Variants in PTPRQ observed in about 807,000 individuals in gnomAD.
PTPRQ encodes phosphatidylinositol phosphatase PTPRQ.
Under a neutral mutation model 246.0 loss-of-function variants are expected in PTPRQ, and 199 were observed. That is an observed-to-expected ratio of 0.81 (90% CI 0.72 to 0.91). The LOEUF is 0.91. Ranked by LOEUF, PTPRQ falls within the 40% of genes least tolerant of loss-of-function variation. The pLI is 0.00. For missense variants in PTPRQ, 2,624 were observed against 2,528.4 expected, an observed-to-expected ratio of 1.04 and a Z score of -0.81; for synonymous variants, 869 against 853.2, an observed-to-expected ratio of 1.02 and a Z score of -0.32.
intron 35 of PTPRQ, among the ~76,000 whole-genome samples, chr12:80,636,824 A>G (rs768092091): frequency 6.6e-6 from 1 of 152,212 alleles, no homozygotes; most frequent in Non-Finnish European, 1.5e-5. Flanking sequence ...ATGTTTTTAA[A>G]CAGTCAATAT....
At chr12:80,584,240 A>T (rs930962311) in intron 25 of PTPRQ, 1 of 152,162 alleles carries the variant, frequency 6.6e-6, no homozygotes, top group African/African-American at 2.4e-5. Context: ...ATCTTGAGGG[A>T]TATCTGCAGA....
At chr12:80,468,137 ATAGAG>A (rs777906640) in intron 6 of PTPRQ, among the ~76,000 whole-genome samples, 9 of 152,184 alleles carry the variant, frequency 5.9e-5, no homozygotes, top group Non-Finnish European at 1.0e-4. Context: ...TCTAAGAAAA[ATAGAG>A]TAATTTAAAA....
At chr12:80,586,629 T>G (rs971968976) in intron 25 of PTPRQ, 1 of 152,256 alleles carries the variant, frequency 6.6e-6, no homozygotes, top group African/African-American at 2.4e-5. Context: ...CTAATTTAAA[T>G]TTTCAATATC....
At chr12:80,485,893 A>G (rs1022680334) in intron 9 of PTPRQ, among the ~76,000 whole-genome samples, 9 of 151,162 alleles carry the variant, frequency 6.0e-5, no homozygotes, top group African/African-American at 1.9e-4. Context: ...TTTTTTTGTG[A>G]TTCTGTCTCT....
Position 80,678,666 on chromosome 12 carries a change from C to T in PTPRQ, c.6803C>T (p.Pro2268Leu), listed in dbSNP as rs1737845017. The change falls in exon 44 of 45, where the codon CCC (proline) becomes CTC (leucine). Residue 2268 changes from proline (P) to leucine (L), a missense_variant. By Grantham distance (98) the Pro-to-Leu change is moderately conservative. Coordinates refer to ENST00000644991, the MANE Select transcript of PTPRQ (RefSeq NM_001145026.2). ...TTATCAAATAAGGGAAGTAATCAGC[C>T]CATCTGTTTTGTTAACTATTCAGCA... ...DLLSNKGSNQ[P>L]ICFVNYSALQ... 6.5e-7 allele frequency: 1 copy of T among 1,550,204 alleles called. No homozygotes were observed. Among genetic ancestry groups the T allele is most frequent in the Non-Finnish European group, 8.7e-7 (1 of 1,146,082 alleles).
rs1901239117 is a variant in PTPRQ at position 80,679,130 on chromosome 12, T to C, written c.*107T>C. Reference sequence around the variant, plus strand: ...ATGTGCAACCTTAAAGAAATATCTATGCTTCTCTCACTGTGCCTTTCCAAA... The same window carrying C: ...ATGTGCAACCTTAAAGAAATATCTACGCTTCTCTCACTGTGCCTTTCCAAA... On this transcript the variant is annotated 3_prime_UTR_variant, in exon 45 of 45. Transcript: ENST00000644991. 1.5e-5 allele frequency: 21 copies of C among 1,359,494 alleles called. No homozygotes were observed. Among genetic ancestry groups the C allele is most frequent in the Non-Finnish European group, 2.1e-5 (21 of 1,023,366 alleles). The allele number at this position is 1,359,494 out of a possible 1,614,324, so 84.2% of individuals were successfully genotyped here.
intron 25 of PTPRQ, among the ~76,000 whole-genome samples, chr12:80,578,781 T>A (rs899764080): frequency 2.6e-5 from 4 of 152,200 alleles, no homozygotes; most frequent in Middle Eastern, 3.2e-3. Context: ...ACCCTCTTTA[T>A]GGGTTTTTTC....
intron 17 of PTPRQ, among the ~76,000 whole-genome samples, chr12:80,518,152 C>T (rs1895362524): frequency 6.6e-6 from 1 of 152,038 alleles, no homozygotes; most frequent in African/African-American, 2.4e-5. Context: ...TTTGTTATTG[C>T]CTGTCTTTTG....
intron 29 of PTPRQ, among the ~76,000 whole-genome samples, chr12:80,615,579 T>C (rs751860227): frequency 2.0e-5 from 3 of 151,148 alleles, no homozygotes; most frequent in African/African-American, 4.8e-5. Flanking sequence ...AAATGTTTTA[T>C]GTGTATATGC....
At chr12:80,504,414 T>C (rs1410237292) in intron 14 of PTPRQ, among the ~76,000 whole-genome samples, 2 of 152,042 alleles carry the variant, frequency 1.3e-5, no homozygotes, top group Non-Finnish European at 2.9e-5. Flanking sequence ...TTGCTCATAT[T>C]TTAAAATATG....
At chr12:80,543,835 C>T (rs1182314872) in intron 23 of PTPRQ, among the ~76,000 whole-genome samples, 4 of 152,014 alleles carry the variant, frequency 2.6e-5, no homozygotes, top group African/African-American at 9.7e-5. Flanking sequence ...ATTTGTTTCC[C>T]AGAGGTGTGA....
At chr12:80,515,152 G>T (rs1273442230) in intron 17 of PTPRQ, among the ~76,000 whole-genome samples, 1 of 151,732 alleles carries the variant, frequency 6.6e-6, no homozygotes, top group Non-Finnish European at 1.5e-5. Context: ...AATCTTTTTT[G>T]GGGACTCTTA....
intron 6 of PTPRQ, among the ~76,000 whole-genome samples, chr12:80,467,989 C>A (rs1893494382): frequency 6.6e-6 from 1 of 152,048 alleles, no homozygotes; most frequent in African/African-American, 2.4e-5. Context: ...CACATGTACC[C>A]TAAAACTTAA....
At chr12:80,514,752 T>C (rs1199944710) in intron 17 of PTPRQ, among the ~76,000 whole-genome samples, 1 of 146,472 alleles carries the variant, frequency 6.8e-6, no homozygotes, top group African/African-American at 2.5e-5. Context: ...TTAGGTATTA[T>C]ATAATTATTA....
At chr12:80,547,114 GGAGAGCAT>G (rs956167746) in intron 24 of PTPRQ, 30 of 163,212 alleles carry the variant, frequency 1.8e-4, no homozygotes, top group Non-Finnish European at 2.1e-4. Context: ...TGTGACATTT[GGAGAGCAT>G]GAGTCATTGC....
At chr12:80,637,532 G>A (rs948278897) in intron 35 of PTPRQ, among the ~76,000 whole-genome samples, 2 of 151,988 alleles carry the variant, frequency 1.3e-5, no homozygotes, top group African/African-American at 4.8e-5. Flanking sequence ...TGTGATTCTG[G>A]TATTCACAAT....
intron 25 of PTPRQ, among the ~76,000 whole-genome samples, chr12:80,571,246 G>A (rs983469492): frequency 7.2e-5 from 11 of 152,172 alleles, no homozygotes; most frequent in Non-Finnish European, 1.5e-5. Context: ...CCGGGTTCAA[G>A]TGATTCTCCT....
intron 7 of PTPRQ, among the ~76,000 whole-genome samples, chr12:80,471,584 T>C (rs1219752516): frequency 1.7e-5 from 1 of 57,868 alleles, no homozygotes; most frequent in East Asian, 4.1e-4. Context: ...TTCACGCCAT[T>C]CTCCTGCCTC....
At position 80,622,089 on chromosome 12, in the gene PTPRQ, G is replaced by A; in HGVS notation, c.5641G>A (p.Gly1881Arg). 7.0e-7 allele frequency: 1 copy of A among 1,438,366 alleles called. No homozygotes were observed. Among genetic ancestry groups the A allele is most frequent in the Non-Finnish European group, 9.2e-7 (1 of 1,091,104 alleles). The allele number at this position is 1,438,366 out of a possible 1,614,324, so 89.1% of individuals were successfully genotyped here. The part of the protein sequence containing the change: ...LFKFRATNIM[G>R]QFTDSDYSDP... ...TAAATTTAGAGCTACAAATATTATG[G>A]GACAATTTACTGACTCTGATTATTC... Residue 1881 changes from glycine (G) to arginine (R), a missense_variant, in exon 33 of 45, where the codon GGA becomes AGA. Transcript: ENST00000644991.
Sources: allele counts gnomAD v4.1 joint callset (sites outside exome capture counted in the v4.1 genomes callset), GRCh38; gene constraint gnomAD v4.1.1; transcripts MANE v1.5; gene names NCBI Gene and HGNC (gene_info 2026-07-23, HGNC 2026-07-21).